Variants in CDH13 observed in about 807,000 individuals in gnomAD.
The protein encoded by CDH13 is cadherin-13.
In CDH13, 24 loss-of-function variants were observed where a neutral mutation model predicts 63.8. The ratio of observed to expected loss-of-function variants is 0.38; its 90% confidence interval spans 0.27 to 0.53. The LOEUF is 0.53. Among genes scored for constraint, CDH13 ranks in the 20% least tolerant of loss-of-function variants. CDH13 has a pLI of 0.85. For missense variants in CDH13, 1,049 were observed against 903.1 expected, an observed-to-expected ratio of 1.16 and a Z score of -2.07; for synonymous variants, 503 against 355.3, an observed-to-expected ratio of 1.42 and a Z score of -4.67.
Position 83,800,012 on chromosome 16 carries a change from G to A in CDH13, c.*4982G>A, listed in dbSNP as rs1017855171. The A allele has an allele frequency of 9.9e-5, 15 of 152,104 alleles. No individual in the cohort carries two copies. Among genetic ancestry groups the A allele is most frequent in the South Asian group, 2.1e-4 (1 of 4,832 alleles). 9.4% of individuals were successfully genotyped at this position (152,104 alleles called of 1,614,324 possible). A position where few individuals can be genotyped will look rare whatever the true frequency, so the allele number is the denominator to read the frequency against. The stretch of plus-strand genomic sequence containing the variant: ...GAGATACTCATCAAATTAAGTAAGC[G>A]GAAAAATTTCCTCTCTCTCATACTA... On this transcript the variant is annotated 3_prime_UTR_variant, in exon 14 of 14. Transcript: ENST00000567109.
chr16:82,898,392 G>C (rs534970748), intron 2 of CDH13, among the ~76,000 whole-genome samples: 1 of 152,176 alleles, frequency 6.6e-6, no homozygotes, highest in Non-Finnish European at 1.5e-5. Context: ...GGGCATGCTG[G>C]CATGTGCCTG....
At chr16:83,252,129 C>CACACAT (rs377101317) in intron 5 of CDH13, among the ~76,000 whole-genome samples, 30 of 89,164 alleles carry the variant, frequency 3.4e-4, no homozygotes, top group African/African-American at 1.0e-3. Context: ...CACACACACA[C>CACACAT]ATATATATGT....
chr16:83,301,471 T>G (rs551549926), intron 5 of CDH13, among the ~76,000 whole-genome samples: 1 of 152,216 alleles, frequency 6.6e-6, no homozygotes, highest in African/African-American at 2.4e-5. Flanking sequence ...ATTTCGGAGT[T>G]TTTCTCTCCG....
At chr16:82,906,855 C>G (rs55798040) in intron 2 of CDH13, among the ~76,000 whole-genome samples, 31,043 of 152,056 alleles carry the variant, frequency 0.2, 4,397 homozygotes, top group African/African-American at 0.4. Context: ...CTCATGACCT[C>G]CTCTTCTGCC....
intron 2 of CDH13, among the ~76,000 whole-genome samples, chr16:83,012,060 G>A (rs939718483): frequency 6.6e-6 from 1 of 152,024 alleles, no homozygotes; most frequent in Non-Finnish European, 1.5e-5. Flanking sequence ...TGTTACCCAG[G>A]ACCATTTGAA....
At chr16:83,001,650 G>A (rs62037240) in intron 2 of CDH13, among the ~76,000 whole-genome samples, 16,948 of 152,202 alleles carry the variant, frequency 0.11, 1,301 homozygotes, top group South Asian at 0.17. Context: ...TCTGAGAAGC[G>A]AATCTCGCAT....
chr16:82,688,401 T>A (rs1915300480), intron 1 of CDH13, among the ~76,000 whole-genome samples: 1 of 152,218 alleles, frequency 6.6e-6, no homozygotes, highest in African/African-American at 2.4e-5. Flanking sequence ...GAAGCCATGA[T>A]CACAGGCATG....
rs376394538 is a variant in CDH13 at position 82,686,592 on chromosome 16, C to G, written c.45+59455C>G. The stretch of plus-strand genomic sequence containing the variant: ...AAGATGAGTCCATTATTTAATCACT[C>G]TGGCCTTCGGTTTTTCAGCTCTAAA... On this transcript the variant is annotated intron_variant, in intron 1 of 13. Transcript: ENST00000567109. 4.3e-4 allele frequency among the ~76,000 whole-genome samples: 65 copies of G among 152,354 alleles called. 1 individual carries two copies. The highest frequency in any genetic ancestry group is 1.4e-3 in the African/African-American group (57 of 41,586).
intron 7 of CDH13, among the ~76,000 whole-genome samples, chr16:83,536,552 C>A (rs1418033834): frequency 1.3e-5 from 2 of 152,098 alleles, no homozygotes; most frequent in Non-Finnish European, 2.9e-5. Context: ...GCTGAACACC[C>A]ATGGAACCTT....
At chr16:83,032,394 G>C (rs1597183879) in intron 3 of CDH13, 176 bp downstream of exon 3, 2 of 591,626 alleles carry the variant, frequency 3.4e-6, no homozygotes, top group East Asian at 5.6e-5. Context: ...GGAATTAATT[G>C]ATTCATGTAA....
intron 2 of CDH13, among the ~76,000 whole-genome samples, chr16:82,983,787 C>G (rs116315712): frequency 0.013 from 1,996 of 152,290 alleles, 39 homozygotes; most frequent in African/African-American, 0.042. Context: ...TTAGTGTTCC[C>G]TGGTCCACTT....
chr16:83,645,076 A>G (rs1398321768), intron 8 of CDH13, among the ~76,000 whole-genome samples: 1 of 152,194 alleles, frequency 6.6e-6, no homozygotes, highest in Non-Finnish European at 1.5e-5. Flanking sequence ...GAGCTACATT[A>G]TATTAAAAGG....
intron 6 of CDH13, chr16:83,382,978 C>T (rs1281466339): frequency 6.6e-6 from 1 of 152,186 alleles, no homozygotes; most frequent in Non-Finnish European, 1.5e-5. Context: ...CAAGAATTAT[C>T]CAGTCAAAAA....
intron 10 of CDH13, among the ~76,000 whole-genome samples, chr16:83,726,667 C>G (rs1910426441): frequency 6.6e-6 from 1 of 152,114 alleles, no homozygotes; most frequent in Non-Finnish European, 1.5e-5. Context: ...AACCCCGTCT[C>G]TACTAAAAAT....
At chr16:83,111,991 A>T (rs1411658594) in intron 3 of CDH13, among the ~76,000 whole-genome samples, 1 of 152,176 alleles carries the variant, frequency 6.6e-6, no homozygotes, top group Non-Finnish European at 1.5e-5. Context: ...TATGTGCACA[A>T]ATTTTCTTAT....
chr16:83,090,645 C>A (rs58993171), intron 3 of CDH13, among the ~76,000 whole-genome samples: 20,474 of 151,686 alleles, frequency 0.13, 1,667 homozygotes, highest in African/African-American at 0.22. Flanking sequence ...CATTCCTAGC[C>A]CAGGCTCTGC....
chr16:82,672,994 G>GTTTTTTTTTTTTTTTTTTT (rs1194023626), intron 1 of CDH13, among the ~76,000 whole-genome samples: 2 of 26,534 alleles, frequency 7.5e-5, no homozygotes, highest in African/African-American at 3.4e-4. Flanking sequence ...TTTTTATAAA[G>GTTTTTTTTTTTTTTTTTTT]TTTTCTTTTT....
intron 5 of CDH13, among the ~76,000 whole-genome samples, chr16:83,228,945 G>A (rs1259759470): frequency 6.6e-6 from 1 of 152,180 alleles, no homozygotes; most frequent in African/African-American, 2.4e-5. Context: ...ACATCAGATA[G>A]ATGCAGTTTT....
At chr16:82,954,955 G>A (rs1360069190) in intron 2 of CDH13, among the ~76,000 whole-genome samples, 1 of 152,158 alleles carries the variant, frequency 6.6e-6, no homozygotes, top group African/African-American at 2.4e-5. Flanking sequence ...GTTGTAGCGT[G>A]TATCAATACT....
Sources: allele counts gnomAD v4.1 joint callset (sites outside exome capture counted in the v4.1 genomes callset), GRCh38; gene constraint gnomAD v4.1.1; transcripts MANE v1.5; gene names NCBI Gene and HGNC (gene_info 2026-07-23, HGNC 2026-07-21).